Variants in KANSL1L observed in about 807,000 individuals in gnomAD.
The protein encoded by KANSL1L is KAT8 regulatory NSL complex subunit 1-like protein.
Under a neutral mutation model 108.6 loss-of-function variants are expected in KANSL1L, and 25 were observed. That is an observed-to-expected ratio of 0.23 (90% CI 0.17 to 0.32). KANSL1L has a LOEUF of 0.32. Ranked by LOEUF, KANSL1L falls within the 10% of genes least tolerant of loss-of-function variation. The pLI, the probability that KANSL1L is intolerant of heterozygous loss-of-function variation, is 1.00. For synonymous variants in KANSL1L, 405 were observed against 395.1 expected (o/e 1.03, Z -0.30); for missense variants, 1,137 against 1,125.7 (o/e 1.01, Z -0.14).
intron 2 of KANSL1L, among the ~76,000 whole-genome samples, chr2:210,135,766 T>C (rs2095167784): frequency 6.6e-6 from 1 of 152,130 alleles, no homozygotes; most frequent in East Asian, 1.9e-4. Context: ...CTTCTCCTTG[T>C]TATAAAAGCT....
chr2:210,024,417 TG>T (rs1053547387), intron 13 of KANSL1L, among the ~76,000 whole-genome samples: 1 of 152,110 alleles, frequency 6.6e-6, no homozygotes, highest in Non-Finnish European at 1.5e-5. Flanking sequence ...ATAACAGTTG[TG>T]GGGGGAGGGT....
At chr2:210,039,410 T>C (rs1337656047) in intron 8 of KANSL1L, among the ~76,000 whole-genome samples, 1 of 151,944 alleles carries the variant, frequency 6.6e-6, no homozygotes, top group East Asian at 1.9e-4. Context: ...ACAGAATTTA[T>C]TCCTTTACAT....
intron 3 of KANSL1L, among the ~76,000 whole-genome samples, chr2:210,108,449 T>C (rs1559562587): frequency 6.6e-6 from 1 of 152,190 alleles, no homozygotes. Flanking sequence ...TATACAGTAC[T>C]GCTTAGAAAA....
At chr2:210,049,805 A>G (rs2094269377) in intron 6 of KANSL1L, among the ~76,000 whole-genome samples, 2 of 152,258 alleles carry the variant, frequency 1.3e-5, no homozygotes, top group Non-Finnish European at 2.9e-5. Context: ...ATCAGTTTTG[A>G]TAGTAGAAAA....
intron 13 of KANSL1L, 35 bp downstream of exon 13, chr2:210,025,069 A>G: frequency 7.6e-7 from 1 of 1,316,356 alleles, no homozygotes; most frequent in Non-Finnish European, 1.1e-6. Context: ...TTTCACATGG[A>G]TTCTATGGCT....
chr2:210,111,483 G>A (rs895245287), intron 3 of KANSL1L, among the ~76,000 whole-genome samples: 5 of 152,120 alleles, frequency 3.3e-5, no homozygotes, highest in Non-Finnish European at 7.4e-5. Flanking sequence ...AAAAGAGCCT[G>A]AAGGAAAGAG....
intron 6 of KANSL1L, among the ~76,000 whole-genome samples, chr2:210,048,895 CAAAACA>C (rs1364400359): frequency 6.6e-6 from 1 of 152,038 alleles, no homozygotes; most frequent in African/African-American, 2.4e-5. Context: ...TTCTTATCTT[CAAAACA>C]AAAACAAAAA....
intron 5 of KANSL1L, among the ~76,000 whole-genome samples, chr2:210,090,197 T>C (rs2094680873): frequency 6.6e-6 from 1 of 152,234 alleles, no homozygotes; most frequent in African/African-American, 2.4e-5. Context: ...TCTGAGTTTT[T>C]ATAAATGTTT....
At chr2:210,083,764 G>A (rs992060394) in intron 5 of KANSL1L, among the ~76,000 whole-genome samples, 3 of 147,596 alleles carry the variant, frequency 2.0e-5, no homozygotes, top group African/African-American at 7.6e-5. Context: ...GGGAGGCAGA[G>A]CTTGCAGTGA....
intron 10 of KANSL1L, 71 bp downstream of exon 10, chr2:210,029,732 T>C (rs938078360): frequency 4.0e-6 from 3 of 758,272 alleles, no homozygotes; most frequent in Non-Finnish European, 6.7e-6. Context: ...TAGCAAAATA[T>C]AAATTATTTT....
At chr2:210,146,902 C>A (rs922742542) in intron 2 of KANSL1L, among the ~76,000 whole-genome samples, 1 of 151,968 alleles carries the variant, frequency 6.6e-6, no homozygotes, top group African/African-American at 2.4e-5. Context: ...CTTTTCGTTA[C>A]GTGGATGTTG....
At chr2:210,106,193 C>A (rs1243474998) in intron 3 of KANSL1L, among the ~76,000 whole-genome samples, 1 of 152,110 alleles carries the variant, frequency 6.6e-6, no homozygotes, top group African/African-American at 2.4e-5. Flanking sequence ...GGTTTCTCCA[C>A]AAGTACCTGC....
intron 3 of KANSL1L, among the ~76,000 whole-genome samples, chr2:210,113,499 C>T (rs1304603650): frequency 6.6e-6 from 1 of 151,562 alleles, no homozygotes; most frequent in Non-Finnish European, 1.5e-5. Flanking sequence ...AGTCAAATGT[C>T]CAGTTTCCAA....
chr2:210,025,989 A>G (rs2093931640), intron 12 of KANSL1L, among the ~76,000 whole-genome samples: 1 of 152,230 alleles, frequency 6.6e-6, no homozygotes, highest in Admixed American at 6.5e-5. Flanking sequence ...ATTGTGGAGT[A>G]CATACTATTC....
At chr2:210,064,030 G>A (rs1203824367) in intron 6 of KANSL1L, 5 of 151,964 alleles carry the variant, frequency 3.3e-5, no homozygotes, top group Non-Finnish European at 4.4e-5. Flanking sequence ...ATTGACTCAC[G>A]GGGCCAAGTC....
At chr2:210,042,109 G>T (rs1362725352) in intron 7 of KANSL1L, among the ~76,000 whole-genome samples, 1 of 152,154 alleles carries the variant, frequency 6.6e-6, no homozygotes, top group Non-Finnish European at 1.5e-5. Context: ...TTTGCAATTT[G>T]TGGGAAAACA....
chr2:210,101,166 G>C (rs2094790361), intron 4 of KANSL1L, among the ~76,000 whole-genome samples: 1 of 152,102 alleles, frequency 6.6e-6, no homozygotes, highest in Non-Finnish European at 1.5e-5. Flanking sequence ...AGTTTCATCA[G>C]CAATGAGACC....
intron 6 of KANSL1L, among the ~76,000 whole-genome samples, chr2:210,051,841 A>T (rs1321882471): frequency 6.6e-6 from 1 of 152,154 alleles, no homozygotes; most frequent in Non-Finnish European, 1.5e-5. Context: ...TGTGGGCCTT[A>T]TCAAACTGAA....
chr2:210,133,196 G>A (rs922617146), intron 2 of KANSL1L, among the ~76,000 whole-genome samples: 5 of 152,040 alleles, frequency 3.3e-5, no homozygotes, highest in Admixed American at 3.3e-4. Context: ...TGATGTACAT[G>A]TGCATATAAG....
Sources: gnomAD v4.1 joint callset for allele counts (sites outside exome capture counted in the v4.1 genomes callset) on GRCh38, gnomAD v4.1.1 for gene constraint, MANE v1.5 for transcripts, NCBI Gene and HGNC (gene_info 2026-07-23, HGNC 2026-07-21) for gene names.